B3GNT4: variants seen among roughly 807,000 people sequenced by gnomAD.
B3GNT4 encodes N-acetyllactosaminide beta-1,3-N-acetylglucosaminyltransferase 4.
B3GNT4 carries 2 observed loss-of-function variants against 2.7 expected under a neutral mutation model. The observed-to-expected ratio is 0.73, with a 90% confidence interval of 0.30 to 2.31. B3GNT4 has a LOEUF of 2.31. Among genes scored for constraint, B3GNT4 ranks in the 30% most tolerant of loss-of-function variants. B3GNT4 has a pLI of 0.12. For missense variants in B3GNT4, 708 were observed against 490.9 expected (o/e 1.44, Z -4.18); for synonymous variants, 280 against 203.4 (o/e 1.38, Z -3.20).
chr12:122,204,872 C>G (rs1953894860), intron 2 of B3GNT4, 188 bp downstream of exon 2: 1 of 585,292 alleles, frequency 1.7e-6, no homozygotes, highest in East Asian at 3.0e-5. Context: ...TACCACATCT[C>G]TACAAAAAAT....
In B3GNT4 at chr12:122,207,505, C is replaced by T; in HGVS notation, c.*117C>T. On this transcript the variant is annotated 3_prime_UTR_variant, in exon 3 of 3. Coordinates refer to ENST00000324189, the MANE Select transcript of B3GNT4 (RefSeq NM_030765.4). ...AACTTGGTTTTTTAACTCCTCTCAC[C>T]CTGTTAGCTCTGATTAAAAACACTG... 1.1e-6 allele frequency: 1 copy of T among 935,312 alleles called. No individual in the cohort carries two copies. Among genetic ancestry groups the T allele is most frequent in the South Asian group, 1.8e-5 (1 of 56,260 alleles). 57.9% of individuals were successfully genotyped at this position (935,312 alleles called of 1,614,324 possible).
At position 122,207,085 on chromosome 12, in the gene B3GNT4, G is replaced by T. The variant is rs1205238642; in HGVS notation, c.834G>T (p.Gly278=). The T allele has an allele frequency of 6.2e-7, 1 of 1,614,080 alleles. No individual in the cohort carries two copies. The highest frequency in any genetic ancestry group is 8.5e-7 in the Non-Finnish European group (1 of 1,180,006). ...RATHYPPYAG[G]GGYVMSRATV... ...CCCACTACCCACCCTATGCTGGTGG[G>T]GGAGGATATGTCATGTCCAGAGCCA... Residue 278 remains glycine, a synonymous_variant, in exon 3 of 3, where the codon GGG becomes GGT. Transcript: ENST00000324189.
chr12:122,208,222 G>A lies in B3GNT4; in HGVS notation c.*834G>A, dbSNP rs766350996. 6 of 826,110 alleles carry A rather than the reference G, an allele frequency of 7.3e-6. No homozygotes were observed. The African/African-American group carries it at 8.5e-5, about 12-fold the overall frequency. The allele number at this position is 826,110 out of a possible 1,614,324, so 51.2% of individuals were successfully genotyped here. A position where few individuals can be genotyped will look rare whatever the true frequency, so the allele number is the denominator to read the frequency against. On this transcript the variant is annotated 3_prime_UTR_variant, in exon 3 of 3. Coordinates refer to ENST00000324189, the MANE Select transcript of B3GNT4 (RefSeq NM_030765.4). ...GGTCCAGCGCAAGCCTGAGACCACAGGAGGCACTCACAGCTCACAAAGGCG... is the reference window on the plus strand; with the variant it reads ...GGTCCAGCGCAAGCCTGAGACCACAAGAGGCACTCACAGCTCACAAAGGCG...
In B3GNT4 at chr12:122,208,335, CT is replaced by C. The variant is rs1266132715; in HGVS notation, c.*948del. The C allele has an allele frequency of 6.2e-7, 1 of 1,606,516 alleles. No individual in the cohort carries two copies. Among genetic ancestry groups the C allele is most frequent in the Admixed American group, 1.7e-5 (1 of 60,022 alleles). On this transcript the variant is annotated 3_prime_UTR_variant, in exon 3 of 3. Coordinates refer to ENST00000324189, the MANE Select transcript of B3GNT4 (RefSeq NM_030765.4). ...ACCCTGGGCAGGGTGGCATCTGCCC[CT>C]GCTTTCCCCACTGAGTGGGGAGACA...
Position 122,207,057 on chromosome 12 carries a change from C to T in B3GNT4, c.806C>T (p.Ala269Val), listed in dbSNP as rs1436883612. The T allele has an allele frequency of 1.2e-6, 2 of 1,613,788 alleles. No individual in the cohort carries two copies. The highest frequency in any genetic ancestry group is 3.3e-5 in the Admixed American group (2 of 59,998). Reference protein sequence around the residue: ...KYFIPPSMYRATHYPPYAGGG... With the variant: ...KYFIPPSMYRVTHYPPYAGGG... ...TTCATCCCACCCTCAATGTACAGGG[C>T]CACCCACTACCCACCCTATGCTGGT... Residue 269 changes from alanine to valine, a missense_variant, in exon 3 of 3, where the codon GCC (alanine) becomes GTC (valine). Physicochemically the swap from Ala to Val is moderately conservative, Grantham distance 64. Transcript: ENST00000324189.
Position 122,206,655 on chromosome 12 carries a change from CG to C in B3GNT4, c.406del (p.Ala136LeufsTer18), listed in dbSNP as rs1566016777. 1.9e-6 allele frequency: 3 copies of C among 1,613,636 alleles called. No homozygotes were observed. In the South Asian group the frequency reaches 3.3e-5, roughly 18 times the overall value. On this transcript the variant is annotated frameshift_variant, in exon 3 of 3. Transcript: ENST00000324189. LOFTEE classifies it low-confidence loss of function (END_TRUNC). ...KSQPGHVERR[A>X]AIRSTWGRVG... ...CAGCCTGGTCACGTGGAGCGACGTG[CG>C]GCTATCCGCAGCACGTGGGGCAGGG...
Position 122,208,681 on chromosome 12 carries a change from G to C in B3GNT4, c.*1293G>C. On this transcript the variant is annotated 3_prime_UTR_variant, in exon 3 of 3. Coordinates refer to ENST00000324189, the MANE Select transcript of B3GNT4 (RefSeq NM_030765.4). ...TGTGGCTGTCATCTGAACCCCTCTT[G>C]GGGTCACTTTCCTTGACCTCCCTGT... The C allele has an allele frequency of 8.4e-7, 1 of 1,189,310 alleles. No homozygotes were observed. Among genetic ancestry groups the C allele is most frequent in the Non-Finnish European group, 1.2e-6 (1 of 827,058 alleles). 73.7% of individuals were successfully genotyped at this position (1,189,310 alleles called of 1,614,324 possible).
Position 122,207,013 on chromosome 12 carries a change from G to T in B3GNT4, c.762G>T (p.Arg254Ser), listed in dbSNP as rs1312451267. The change falls in exon 3 of 3, where the codon AGG becomes AGT. Residue 254 changes from arginine to serine, a missense_variant. By Grantham distance (110) the Arg-to-Ser change is moderately radical. Coordinates refer to ENST00000324189, the MANE Select transcript of B3GNT4 (RefSeq NM_030765.4). ...GDVIRQALPN[R>S]NTKVKYFIPP... ...TCATCCGCCAAGCCCTGCCCAACAG[G>T]AACACTAAGGTCAAATACTTCATCC... 4.3e-6 allele frequency: 7 copies of T among 1,613,846 alleles called. No homozygotes were observed. The highest frequency in any genetic ancestry group is 5.1e-6 in the Non-Finnish European group (6 of 1,179,976).
Position 122,207,569 on chromosome 12 carries a change from C to T in B3GNT4, c.*181C>T, listed in dbSNP as rs1953951540. 1.5e-6 allele frequency: 1 copy of T among 686,418 alleles called. No individual in the cohort carries two copies. The highest frequency in any genetic ancestry group is 2.7e-5 in the East Asian group (1 of 36,906). 42.5% of individuals were successfully genotyped at this position (686,418 alleles called of 1,614,324 possible). A position where few individuals can be genotyped will look rare whatever the true frequency, so the allele number is the denominator to read the frequency against. On this transcript the variant is annotated 3_prime_UTR_variant, in exon 3 of 3. Coordinates refer to ENST00000324189, the MANE Select transcript of B3GNT4 (RefSeq NM_030765.4). ...TTGTCCAGCATATGTTGAATGGGAG[C>T]CAAAGTGTAGCAAATGCTGCCAGGA... is the stretch of plus-strand genomic sequence containing the variant.
In B3GNT4 at chr12:122,208,755, T is replaced by A. The variant is rs1212125480; in HGVS notation, c.*1367T>A. The A allele has an allele frequency of 8.4e-6, 6 of 713,784 alleles. No individual in the cohort carries two copies. Among genetic ancestry groups the A allele is most frequent in the East Asian group, 2.7e-5 (1 of 36,556 alleles). 44.2% of individuals were successfully genotyped at this position (713,784 alleles called of 1,614,324 possible). On this transcript the variant is annotated 3_prime_UTR_variant, in exon 3 of 3. Transcript: ENST00000324189. Reference sequence around the variant, plus strand: ...CCACCTCTATGTTCAGGTCTGGATTTAACTGACACTCTGTCAAAAACAGCA... The same window carrying A: ...CCACCTCTATGTTCAGGTCTGGATTAAACTGACACTCTGTCAAAAACAGCA...
In B3GNT4 at chr12:122,208,110, G is replaced by C; in HGVS notation, c.*722G>C. 1.5e-6 allele frequency: 1 copy of C among 652,236 alleles called. No individual in the cohort carries two copies. The highest frequency in any genetic ancestry group is 2.8e-6 in the Non-Finnish European group (1 of 354,294). 40.4% of individuals were successfully genotyped at this position (652,236 alleles called of 1,614,324 possible). On this transcript the variant is annotated 3_prime_UTR_variant, in exon 3 of 3. Transcript: ENST00000324189. ...GACCCAGGTAGGCAAAATGCTTTGG[G>C]TGTGAGGTAAAAAAAATGGGTAAGA...
chr12:122,206,118 G>C, intron 2 of B3GNT4, 200 bp from the exon 3 acceptor site: 1 of 514,108 alleles, frequency 1.9e-6, no homozygotes, highest in Non-Finnish European at 3.4e-6. Flanking sequence ...TGGCAGAGGA[G>C]GGCAAGGGCT....
At position 122,207,310 on chromosome 12, in the gene B3GNT4, C is replaced by T. The variant is rs769979479; in HGVS notation, c.1059C>T (p.Pro353=). ...TCCTGCTGGTTCACCGCCTCAGCCC[C>T]CTCGAGATGTGGACCATGTGGGCAC... ...RGLLLVHRLS[P]LEMWTMWALV... Residue 353 remains proline, a synonymous_variant, in exon 3 of 3, where the codon CCC becomes CCT. Coordinates refer to ENST00000324189, the MANE Select transcript of B3GNT4 (RefSeq NM_030765.4). 1 of 1,612,726 alleles carries T rather than the reference C, an allele frequency of 6.2e-7. No individual in the cohort carries two copies. The highest frequency in any genetic ancestry group is 1.3e-5 in the African/African-American group (1 of 74,882).
chr12:122,208,758 C>G lies in B3GNT4; in HGVS notation c.*1370C>G, dbSNP rs1954004006. On this transcript the variant is annotated 3_prime_UTR_variant, in exon 3 of 3. Coordinates refer to ENST00000324189, the MANE Select transcript of B3GNT4 (RefSeq NM_030765.4). ...CCTCTATGTTCAGGTCTGGATTTAA[C>G]TGACACTCTGTCAAAAACAGCATTT... 1 of 710,516 alleles carries G rather than the reference C, an allele frequency of 1.4e-6. No individual in the cohort carries two copies. The highest frequency in any genetic ancestry group is 2.5e-6 in the Non-Finnish European group (1 of 395,494). 44.0% of individuals were successfully genotyped at this position (710,516 alleles called of 1,614,324 possible).
intron 1 of B3GNT4, among the ~76,000 whole-genome samples, chr12:122,204,085 A>G (rs1310164353): frequency 6.6e-6 from 1 of 151,514 alleles, no homozygotes; most frequent in Non-Finnish European, 1.5e-5. Context: ...CCCGACGCGC[A>G]GCGCTGCTGC....
chr12:122,204,923 G>T, intron 2 of B3GNT4: 1 of 525,486 alleles, frequency 1.9e-6, no homozygotes, highest in Non-Finnish European at 3.4e-6. Flanking sequence ...CCAGCTACTG[G>T]GGAGGCCGAG....
At chr12:122,206,031 T>G (rs1367189293) in intron 2 of B3GNT4, 2 of 396,060 alleles carry the variant, frequency 5.0e-6, no homozygotes, top group Non-Finnish European at 8.9e-6. Context: ...GAAGAATGGC[T>G]GGGAACGTTT....
At position 122,206,380 on chromosome 12, in the gene B3GNT4, CGG is replaced by C; in HGVS notation, c.130_131del (p.Gly44LeufsTer40). ...CGTACAGCTTGGCTGTGCTGTTGCTCGGCTGCCTGCTCTTCCTGAGGAAGGCG... is the reference window on the plus strand; with the variant it reads ...CGTACAGCTTGGCTGTGCTGTTGCTCCTGCCTGCTCTTCCTGAGGAAGGCG... ...VSYSLAVLLLGCLLFLRKAAK... is the reference protein window; with the variant it reads ...VSYSLAVLLLXCLLFLRKAAK... On this transcript the variant is annotated frameshift_variant, in exon 3 of 3. Transcript: ENST00000324189. LOFTEE classifies it low-confidence loss of function (END_TRUNC). 1 of 1,610,828 alleles carries C rather than the reference CGG, an allele frequency of 6.2e-7. No individual in the cohort carries two copies. The highest frequency in any genetic ancestry group is 1.1e-5 in the South Asian group (1 of 90,732).
rs992819865 is a variant in B3GNT4 at position 122,207,601 on chromosome 12, C to T, written c.*213C>T. 7.9e-6 allele frequency: 5 copies of T among 635,438 alleles called. No homozygotes were observed. Among genetic ancestry groups the T allele is most frequent in the East Asian group, 2.8e-5 (1 of 35,978 alleles). 39.4% of individuals were successfully genotyped at this position (635,438 alleles called of 1,614,324 possible). On this transcript the variant is annotated 3_prime_UTR_variant, in exon 3 of 3. Coordinates refer to ENST00000324189, the MANE Select transcript of B3GNT4 (RefSeq NM_030765.4). ...GTAGCAAATGCTGCCAGGAACCTGT[C>T]GGGGCATTCCGGGCGCTGCCTGGGG...
Sources: allele counts gnomAD v4.1 joint callset (sites outside exome capture counted in the v4.1 genomes callset), GRCh38; gene constraint gnomAD v4.1.1; transcripts MANE v1.5; gene names NCBI Gene and HGNC (gene_info 2026-07-23, HGNC 2026-07-21).